TENM3: variants seen among roughly 807,000 people sequenced by gnomAD.
The protein encoded by TENM3 is teneurin transmembrane protein 3.
TENM3 carries 63 observed loss-of-function variants against 255.1 expected under a neutral mutation model. The ratio of observed to expected loss-of-function variants is 0.25; its 90% CI spans 0.20 to 0.30. The LOEUF is 0.30. Ranked by LOEUF, TENM3 falls within the 10% of genes least tolerant of loss-of-function variation. The pLI, the probability that TENM3 is intolerant of heterozygous loss-of-function variation, is 1.00. For missense variants in TENM3, 2,929 were observed against 3,461.1 expected (o/e 0.85, Z 3.86); for synonymous variants, 1,306 against 1,322.3 (o/e 0.99, Z 0.27).
the TENM3 span, among the ~76,000 whole-genome samples, chr4:181,763,832 T>C: frequency 6.6e-6 from 1 of 152,268 alleles, no homozygotes; most frequent in Admixed American, 6.5e-5. Context: ...ACAGGAATAC[T>C]TAATTTGTGA....
At chr4:182,767,445 C>G (rs993808533) in intron 22 of TENM3, among the ~76,000 whole-genome samples, 2 of 152,046 alleles carry the variant, frequency 1.3e-5, no homozygotes, top group Admixed American at 6.6e-5. Flanking sequence ...AAAAGTCTTG[C>G]GGTAACCGGT....
chr4:182,398,102 A>G (rs1768976465), intron 3 of TENM3, among the ~76,000 whole-genome samples: 1 of 152,212 alleles, frequency 6.6e-6, no homozygotes, highest in South Asian at 2.1e-4. Flanking sequence ...TCCAGTTATA[A>G]GGACCCTTTG....
intron 17 of TENM3, 139 bp downstream of exon 17, chr4:182,737,214 G>T: frequency 2.2e-6 from 2 of 925,230 alleles, no homozygotes; most frequent in Non-Finnish European, 3.3e-6. Flanking sequence ...TTATACCTTG[G>T]CTGGTTTAGA....
intron 3 of TENM3, 131 bp from the exon 4 acceptor site, chr4:182,600,793 G>A: frequency 2.1e-6 from 1 of 485,116 alleles, no homozygotes; most frequent in Non-Finnish European, 3.5e-6. Flanking sequence ...AATTTATTAG[G>A]TTATGGATTT....
Position 182,799,684 on chromosome 4 carries a change from G to T in TENM3, c.7433G>T (p.Arg2478Leu). The change falls in exon 28 of 28, where the codon CGC (arginine) becomes CTC (leucine). Residue 2478 changes from arginine to leucine, a missense_variant. This residue lies in a region of TENM3 where 476 missense variants were observed against 480.1 expected (regional missense o/e 0.99). Coordinates refer to ENST00000511685, the MANE Select transcript of TENM3 (RefSeq NM_001080477.4). This position sits in a 1 kb window ranked among gnomAD's most constrained non-coding sequence, Gnocchi z 4.2. Reference protein sequence around the residue: ...GKMAEVQVSRRRAGGAQSWLW... With the variant: ...GKMAEVQVSRLRAGGAQSWLW... ...ATGGCCGAGGTGCAGGTGAGCCGGC[G>T]CCGGGCCGGCGGCGCGCAGTCCTGG... 6.5e-7 allele frequency: 1 copy of T among 1,549,026 alleles called. No individual in the cohort carries two copies. Among genetic ancestry groups the T allele is most frequent in the Non-Finnish European group, 8.7e-7 (1 of 1,146,538 alleles).
the TENM3 span, among the ~76,000 whole-genome samples, chr4:181,616,503 ATAT>A: frequency 1.1e-4 from 16 of 148,944 alleles, no homozygotes; most frequent in South Asian, 2.1e-4. Context: ...TATCCATATA[ATAT>A]TATAATAATA....
chr4:182,330,782 A>G (rs1039292825), intron 2 of TENM3, among the ~76,000 whole-genome samples: 1 of 152,230 alleles, frequency 6.6e-6, no homozygotes, highest in East Asian at 1.9e-4. Context: ...TTAAATCTCA[A>G]ACGATGATTA....
At chr4:182,237,239 T>A (rs1756950883) in intron 1 of TENM3, among the ~76,000 whole-genome samples, 1 of 152,224 alleles carries the variant, frequency 6.6e-6, no homozygotes. Context: ...ATTTTCTTTA[T>A]CCAGTCTGTC....
At chr4:182,771,687 C>T (rs1764239093) in intron 22 of TENM3, among the ~76,000 whole-genome samples, 1 of 152,188 alleles carries the variant, frequency 6.6e-6, no homozygotes, top group South Asian at 2.1e-4. Context: ...TAACTCTGCG[C>T]TGCTTGTTCT....
chr4:181,495,555 ACG>A, the TENM3 span, among the ~76,000 whole-genome samples: 3,523 of 28,948 alleles, frequency 0.12, 140 homozygotes, highest in African/African-American at 0.23. Flanking sequence ...TTTAGTATAC[ACG>A]AGAGAGAGAG....
At chr4:181,590,493 G>T in the TENM3 span, among the ~76,000 whole-genome samples, 6,219 of 152,226 alleles carry the variant, frequency 0.041, 142 homozygotes, top group Non-Finnish European at 0.047. Context: ...GCTCCTTACC[G>T]AGGAAGGGTC....
intron 1 of TENM3, among the ~76,000 whole-genome samples, chr4:182,248,706 C>G (rs1757806288): frequency 1.3e-5 from 2 of 152,160 alleles, no homozygotes; most frequent in African/African-American, 4.8e-5. Flanking sequence ...ATTCATTCAA[C>G]AAATAATTAC....
intron 3 of TENM3, among the ~76,000 whole-genome samples, chr4:182,391,268 A>G (rs1170694456): frequency 6.6e-6 from 1 of 152,192 alleles, no homozygotes; most frequent in East Asian, 1.9e-4. Context: ...CTCCCTTTAC[A>G]GATTAGGAAG....
At chr4:181,832,642 GC>G in the TENM3 span, among the ~76,000 whole-genome samples, 3 of 152,158 alleles carry the variant, frequency 2.0e-5, no homozygotes, top group African/African-American at 7.2e-5. Flanking sequence ...GCTATTTCTT[GC>G]AGAGGAGAAA....
At chr4:181,627,725 C>T in the TENM3 span, among the ~76,000 whole-genome samples, 6 of 152,238 alleles carry the variant, frequency 3.9e-5, no homozygotes, top group Middle Eastern at 3.4e-3. Context: ...TTTCTTAATC[C>T]GGTCTATCAT....
chr4:182,310,759 T>C (rs141309291), intron 1 of TENM3, among the ~76,000 whole-genome samples: 3,360 of 152,124 alleles, frequency 0.022, 52 homozygotes, highest in Non-Finnish European at 0.031. Flanking sequence ...CAGGCTGCAG[T>C]GCAGTGGCAC....
At chr4:182,739,670 G>A (rs970439267) in intron 18 of TENM3, among the ~76,000 whole-genome samples, 3 of 152,164 alleles carry the variant, frequency 2.0e-5, no homozygotes, top group African/African-American at 7.2e-5. Flanking sequence ...TTGTGTGTGA[G>A]TGTCAGAGAG....
intron 3 of TENM3, among the ~76,000 whole-genome samples, chr4:182,471,621 A>G (rs1245905528): frequency 7.5e-6 from 1 of 133,592 alleles, no homozygotes; most frequent in African/African-American, 2.6e-5. Flanking sequence ...TATGTGGCAC[A>G]TGCCTCTGTG....
chr4:182,238,543 G>A (rs1452853438), upstream of TENM3, among the ~76,000 whole-genome samples: 1 of 152,126 alleles, frequency 6.6e-6, no homozygotes, highest in East Asian at 1.9e-4. Flanking sequence ...TCCTTCACTA[G>A]CAGGGGTGCT....
Sources: allele counts gnomAD v4.1 joint callset (sites outside exome capture counted in the v4.1 genomes callset), GRCh38; gene constraint gnomAD v4.1.1; regional missense constraint gnomAD v4.1.1; non-coding constraint Gnocchi (gnomAD v3.1); transcripts MANE v1.5; gene names NCBI Gene and HGNC (gene_info 2026-07-23, HGNC 2026-07-21).